The following PIK3C3 variants were observed in gnomAD, a reference collection of about 807,000 sequenced individuals.
PIK3C3 encodes the protein PI3-kinase type 3.
A neutral mutation model predicts 126.1 loss-of-function variants in PIK3C3; 95 were observed. That is an observed-to-expected ratio of 0.75 (90% CI 0.64 to 0.89). The LOEUF (loss-of-function observed/expected upper bound fraction) is 0.89. Ranked by LOEUF, PIK3C3 falls within the 40% of genes least tolerant of loss-of-function variation. PIK3C3 has a pLI of 0.00. For synonymous variants in PIK3C3, 374 were observed against 360.0 expected, an observed-to-expected ratio of 1.04 and a Z score of -0.44; for missense variants, 829 against 1,063.2, an observed-to-expected ratio of 0.78 and a Z score of 3.06.
chr18:41,977,111 A>G (rs534895975), intron 4 of PIK3C3, among the ~76,000 whole-genome samples: 62 of 152,354 alleles, frequency 4.1e-4, no homozygotes, highest in African/African-American at 1.4e-3. Context: ...ATGGCATAAA[A>G]GATGATGCCC....
intron 16 of PIK3C3, among the ~76,000 whole-genome samples, chr18:42,035,166 T>A (rs1351980021): frequency 1.3e-5 from 2 of 152,314 alleles, no homozygotes; most frequent in East Asian, 3.9e-4. Context: ...GTGCAATTTT[T>A]TTTTTAGTCT....
chr18:42,080,372 A>G (rs1485158320), intron 24 of PIK3C3, among the ~76,000 whole-genome samples: 1 of 152,178 alleles, frequency 6.6e-6, no homozygotes, highest in African/African-American at 2.4e-5. Context: ...GCATGTGCAC[A>G]CACACACAGA....
intron 16 of PIK3C3, among the ~76,000 whole-genome samples, chr18:42,037,343 A>T (rs1188559848): frequency 6.6e-6 from 1 of 152,192 alleles, no homozygotes; most frequent in Non-Finnish European, 1.5e-5. Flanking sequence ...ATAGTTTCTG[A>T]TTGCCTTAGC....
chr18:41,964,699 A>T (rs921371243), intron 3 of PIK3C3, among the ~76,000 whole-genome samples: 3 of 152,056 alleles, frequency 2.0e-5, no homozygotes, highest in Non-Finnish European at 1.5e-5. Context: ...ATACATTTTA[A>T]TATTTTCTCA....
intron 20 of PIK3C3, among the ~76,000 whole-genome samples, chr18:42,044,986 A>AT (rs368612974): frequency 5.9e-5 from 9 of 152,276 alleles, no homozygotes; most frequent in African/African-American, 2.2e-4. Context: ...TATACATAAT[A>AT]TTTTTGTGTT....
chr18:42,050,632 C>T (rs888260665), intron 21 of PIK3C3: 5 of 152,152 alleles, frequency 3.3e-5, no homozygotes, highest in African/African-American at 9.7e-5. Flanking sequence ...TATACTGAAC[C>T]TATTAGCAAA....
intron 2 of PIK3C3, among the ~76,000 whole-genome samples, chr18:41,958,620 C>A (rs1979914201): frequency 6.6e-6 from 1 of 152,080 alleles, no homozygotes. Context: ...GGTGTAATTT[C>A]TTCAGTAGTC....
In PIK3C3 at chr18:42,067,422, AAG is replaced by A; in HGVS notation, c.2561_2562del (p.Glu854GlyfsTer10). 2.5e-6 allele frequency: 4 copies of A among 1,613,998 alleles called. No homozygotes were observed. The highest frequency in any genetic ancestry group is 3.4e-6 in the Non-Finnish European group (4 of 1,179,844). ...AAATTCCGCTTAGACCTGTCGGATG[AAG>A]AGGCTGTGCATTACATGCAGAGTCT... On this transcript the variant is annotated frameshift_variant, in exon 24 of 25. Transcript: ENST00000262039. LOFTEE classifies it high-confidence loss of function.
In PIK3C3 at chr18:42,040,723, T is replaced by C; in HGVS notation, c.2085T>C (p.Asp695=). 1 of 1,607,724 alleles carries C rather than the reference T, an allele frequency of 6.2e-7. No homozygotes were observed. Among genetic ancestry groups the C allele is most frequent in the Middle Eastern group, 1.7e-4 (1 of 6,044 alleles). Residue 695 remains aspartate, a synonymous_variant, in exon 19 of 25, where the codon GAT becomes GAC. Transcript: ENST00000262039. ...IQSVPVAEVL[D]TEGSIQNFFR... is the part of the protein sequence containing the mutation. Reference sequence around the variant, plus strand: ...CAGTTCCTGTGGCTGAAGTTCTTGATACAGAGGGAAGCATTCAGGTATGGT... The same window carrying C: ...CAGTTCCTGTGGCTGAAGTTCTTGACACAGAGGGAAGCATTCAGGTATGGT...
chr18:42,076,111 T>C (rs1193317522), intron 24 of PIK3C3, among the ~76,000 whole-genome samples: 2 of 79,290 alleles, frequency 2.5e-5, no homozygotes, highest in Admixed American at 1.2e-4. Context: ...TATATATATA[T>C]ATATATATAT....
intron 2 of PIK3C3, among the ~76,000 whole-genome samples, chr18:41,960,598 G>A (rs1185554624): frequency 2.0e-5 from 3 of 152,074 alleles, no homozygotes; most frequent in Non-Finnish European, 4.4e-5. Flanking sequence ...GAGGGTTAGC[G>A]GATGGGGTAG....
intron 7 of PIK3C3, among the ~76,000 whole-genome samples, chr18:41,994,454 G>A: frequency 6.6e-6 from 1 of 152,206 alleles, no homozygotes; most frequent in East Asian, 1.9e-4. Flanking sequence ...TAAACTTTGG[G>A]TGGGACTGAG....
At position 41,977,436 on chromosome 18, in the gene PIK3C3, A is replaced by T. The variant is rs1449276324; in HGVS notation, c.531+6980A>T. Among the ~76,000 whole-genome samples, 3 of 152,180 alleles carry T rather than the reference A, an allele frequency of 2.0e-5. No homozygotes were observed. In the East Asian group the frequency reaches 5.8e-4, roughly 29 times the overall value. On this transcript the variant is annotated intron_variant, in intron 4 of 24. Coordinates refer to ENST00000262039, the MANE Select transcript of PIK3C3 (RefSeq NM_002647.4). Reference sequence around the variant, plus strand: ...TAAGTATACAAGAGACGTACAACAGATGCTGCAAAATTGCGGAAACGTTTT... The same window carrying T: ...TAAGTATACAAGAGACGTACAACAGTTGCTGCAAAATTGCGGAAACGTTTT...
chr18:42,078,522 G>A (rs566210606), intron 24 of PIK3C3, among the ~76,000 whole-genome samples: 1 of 152,028 alleles, frequency 6.6e-6, no homozygotes, highest in South Asian at 2.1e-4. Context: ...AGGATTTTCA[G>A]AGTGGTAAAT....
At chr18:42,013,991 A>G (rs1308579079) in intron 11 of PIK3C3, among the ~76,000 whole-genome samples, 1 of 152,160 alleles carries the variant, frequency 6.6e-6, no homozygotes, top group Non-Finnish European at 1.5e-5. Context: ...AGTCTTAGCT[A>G]CTATTACTTA....
intron 24 of PIK3C3, among the ~76,000 whole-genome samples, chr18:42,078,370 C>T (rs1286112742): frequency 4.6e-5 from 5 of 109,506 alleles, no homozygotes; most frequent in Non-Finnish European, 6.7e-5. Context: ...GGCAACAGAG[C>T]GAGACTCTGT....
Position 42,027,502 on chromosome 18 carries a change from A to G in PIK3C3, c.1544A>G (p.Glu515Gly). 3 of 1,612,350 alleles carry G rather than the reference A, an allele frequency of 1.9e-6. No individual in the cohort carries two copies. Among genetic ancestry groups the G allele is most frequent in the Non-Finnish European group, 2.5e-6 (3 of 1,178,616 alleles). ...CAGCAGAGAGATCCAAAGACCCATGAGATGTACTTGAACGTAATGAGAAGA... is the reference window on the plus strand; with the variant it reads ...CAGCAGAGAGATCCAAAGACCCATGGGATGTACTTGAACGTAATGAGAAGA... Reference protein sequence around the residue: ...DTQQRDPKTHEMYLNVMRRFS... With the variant: ...DTQQRDPKTHGMYLNVMRRFS... The change falls in exon 14 of 25, where the codon GAG (glutamate) becomes GGG (glycine). Residue 515 changes from glutamate (E) to glycine (G), a missense_variant. Transcript: ENST00000262039.
At chr18:41,965,814 G>A (rs184131137) in intron 3 of PIK3C3, among the ~76,000 whole-genome samples, 13 of 152,248 alleles carry the variant, frequency 8.5e-5, no homozygotes, top group South Asian at 2.1e-4. Flanking sequence ...AGCTGGCAGC[G>A]TGCCTAAAGA....
chr18:42,078,634 A>G (rs964992512), intron 24 of PIK3C3, among the ~76,000 whole-genome samples: 11 of 152,142 alleles, frequency 7.2e-5, no homozygotes, highest in Non-Finnish European at 1.0e-4. Context: ...CTGTAGCGTG[A>G]AAGTCCTATG....
Sources: gnomAD v4.1 joint callset for allele counts (sites outside exome capture counted in the v4.1 genomes callset) on GRCh38, gnomAD v4.1.1 for gene constraint, MANE v1.5 for transcripts, NCBI Gene and HGNC (gene_info 2026-07-23, HGNC 2026-07-21) for gene names.